TRIM36: variants seen among roughly 807,000 people sequenced by gnomAD.
The protein encoded by TRIM36 is tripartite motif containing 36.
A neutral mutation model predicts 72.4 loss-of-function variants in TRIM36; 42 were observed. The ratio of observed to expected loss-of-function variants is 0.58; its 90% CI spans 0.45 to 0.75. The LOEUF (loss-of-function observed/expected upper bound fraction) is 0.75, where lower values mean the gene tolerates loss of function less well. TRIM36 is among the 30% of genes least tolerant of loss of function. The pLI, the probability that TRIM36 is intolerant of heterozygous loss-of-function variation, is 0.00. For missense variants in TRIM36, 913 were observed against 857.1 expected (o/e 1.07, Z -0.81); for synonymous variants, 315 against 282.8 (o/e 1.11, Z -1.14).
At chr5:115,179,296 C>T (rs553727658) in intron 1 of TRIM36, among the ~76,000 whole-genome samples, 1 of 152,324 alleles carries the variant, frequency 6.6e-6, no homozygotes, top group South Asian at 2.1e-4. Flanking sequence ...GCGGGCGCCA[C>T]CGACGGCGCC....
At chr5:115,157,249 G>A (rs1438342670) in intron 2 of TRIM36, among the ~76,000 whole-genome samples, 1 of 152,062 alleles carries the variant, frequency 6.6e-6, no homozygotes, top group African/African-American at 2.4e-5. Context: ...ACAGAAAAGA[G>A]TGTGGAGATT....
intron 2 of TRIM36, among the ~76,000 whole-genome samples, chr5:115,155,094 C>T (rs889085597): frequency 2.6e-5 from 4 of 152,114 alleles, no homozygotes; most frequent in Non-Finnish European, 4.4e-5. Context: ...GAGGCTGAGG[C>T]AGAAGAATCG....
At chr5:115,147,422 T>C in intron 2 of TRIM36, 28 bp from the exon 3 acceptor site, 2 of 1,589,992 alleles carry the variant, frequency 1.3e-6, no homozygotes, top group Non-Finnish European at 1.7e-6. Context: ...CTTTGTTTAG[T>C]TATAGCAGTA....
intron 7 of TRIM36, 122 bp from the exon 8 acceptor site, chr5:115,134,269 T>C (rs1343364412): frequency 1.4e-6 from 1 of 732,078 alleles, no homozygotes; most frequent in African/African-American, 1.9e-5. Context: ...CTTTTCTAAA[T>C]TTATAATACT....
intron 2 of TRIM36, among the ~76,000 whole-genome samples, chr5:115,158,033 G>A (rs1357176262): frequency 2.0e-5 from 3 of 151,874 alleles, no homozygotes; most frequent in African/African-American, 4.8e-5. Context: ...TCGGGTTATG[G>A]GTGCACCAAA....
intron 4 of TRIM36, among the ~76,000 whole-genome samples, chr5:115,143,057 T>G (rs1328230412): frequency 6.6e-6 from 1 of 151,768 alleles, no homozygotes; most frequent in African/African-American, 2.4e-5. Context: ...GAGAAAGAAC[T>G]CCAGAGACAC....
intron 2 of TRIM36, among the ~76,000 whole-genome samples, chr5:115,155,662 C>T (rs896676051): frequency 6.6e-6 from 1 of 152,074 alleles, no homozygotes; most frequent in Admixed American, 6.5e-5. Context: ...AAGGAACATA[C>T]CTCAATATAA....
In TRIM36 at chr5:115,134,978, A is replaced by G. The variant is rs551792532; in HGVS notation, c.1211-831T>C. Among the ~76,000 whole-genome samples, 66 of 152,328 alleles carry G rather than the reference A, an allele frequency of 4.3e-4. 1 individual carries two copies. The highest frequency in any genetic ancestry group is 1.2e-3 in the Admixed American group (19 of 15,292). On this transcript the variant is annotated intron_variant, in intron 7 of 9. Coordinates refer to ENST00000513154, the MANE Select transcript of TRIM36 (RefSeq NM_001300759.2). ...GAAAAATACACATTAAAAGATTTTA[A>G]CTAACTCAAAGGTAATTACTATAAC... is the stretch of plus-strand genomic sequence containing the variant.
chr5:115,137,594 T>G lies in TRIM36; in HGVS notation c.854A>C (p.Glu285Ala). The change falls in exon 6 of 10, where the codon GAA (glutamate) becomes GCA (alanine). Residue 285 changes from glutamate to alanine, a missense_variant. Glu to Ala is a moderately radical substitution (Grantham distance 107). Coordinates refer to ENST00000513154, the MANE Select transcript of TRIM36 (RefSeq NM_001300759.2). ...CTTTTCAAAATGTGTAATTGCTTCT[T>G]CTTTAGCCCTCTCTCCATTACACTA... is the stretch of plus-strand genomic sequence containing the variant. ...ETECNGERAK[E>A]EAITHFEKLF... is the part of the protein sequence containing the mutation. The G allele has an allele frequency of 6.2e-7, 1 of 1,609,770 alleles. No homozygotes were observed. Among genetic ancestry groups the G allele is most frequent in the Non-Finnish European group, 8.5e-7 (1 of 1,178,412 alleles).
intron 4 of TRIM36, among the ~76,000 whole-genome samples, chr5:115,143,719 G>C (rs1019844606): frequency 2.6e-5 from 4 of 151,994 alleles, no homozygotes; most frequent in African/African-American, 4.8e-5. Context: ...ATGGGTAGTA[G>C]GTACATAGAT....
intron 5 of TRIM36, among the ~76,000 whole-genome samples, chr5:115,139,826 C>G (rs1213910466): frequency 1.3e-5 from 2 of 152,176 alleles, no homozygotes; most frequent in African/African-American, 2.4e-5. Context: ...CCCAAGGAAT[C>G]AGTGTCTACA....
Position 115,126,229 on chromosome 5 carries a change from A to G in TRIM36, c.*274T>C, listed in dbSNP as rs1032031196. 2 of 322,268 alleles carry G rather than the reference A, an allele frequency of 6.2e-6. No homozygotes were observed. The highest frequency in any genetic ancestry group is 4.3e-5 in the African/African-American group (2 of 47,032). 20.0% of individuals were successfully genotyped at this position (322,268 alleles called of 1,614,324 possible). ...ACACCAGCTGACAGAAATAAATTAG[A>G]TATCCTGTACATAAAGTAAAAGACA... On this transcript the variant is annotated 3_prime_UTR_variant, in exon 10 of 10. Coordinates refer to ENST00000513154, the MANE Select transcript of TRIM36 (RefSeq NM_001300759.2).
At chr5:115,149,497 G>A (rs554737633) in intron 2 of TRIM36, 5 of 124,570 alleles carry the variant, frequency 4.0e-5, no homozygotes, top group African/African-American at 1.5e-4. Flanking sequence ...ATAATGAAAA[G>A]TAAATAATGA....
At chr5:115,157,160 A>G (rs1029560479) in intron 2 of TRIM36, among the ~76,000 whole-genome samples, 1 of 151,884 alleles carries the variant, frequency 6.6e-6, no homozygotes, top group African/African-American at 2.4e-5. Flanking sequence ...AAAAAAAAAA[A>G]CAGTAGATGT....
intron 1 of TRIM36, among the ~76,000 whole-genome samples, chr5:115,176,948 G>A (rs1192926834): frequency 6.6e-6 from 1 of 152,214 alleles, no homozygotes; most frequent in African/African-American, 2.4e-5. Context: ...ATTGTTTGAT[G>A]AGCAGAAAGG....
rs763317109 is a variant in TRIM36 at position 115,141,343 on chromosome 5, A to G, written c.767T>C (p.Ile256Thr). 2.5e-6 allele frequency: 4 copies of G among 1,604,028 alleles called. No homozygotes were observed. In the South Asian group the frequency reaches 3.4e-5, roughly 14 times the overall value. ...ACTCTTCACCTGGCTTTCCTTACCA[A>G]TAAGGTAATCAATATCCTTTGAAAG... ...EKLSKDIDYLIGKESQVKSQI... is the reference protein window; with the variant it reads ...EKLSKDIDYLTGKESQVKSQI... Residue 256 changes from isoleucine (I) to threonine (T), a missense_variant, in exon 5 of 10, where the codon ATT becomes ACT. Ile to Thr is a moderately conservative substitution (Grantham distance 89). Transcript: ENST00000513154.
chr5:115,126,556 G>A lies in TRIM36; in HGVS notation c.2098C>T (p.Gln700Ter), dbSNP rs866641653. Reference protein sequence around the residue: ...AFALMGSGGIQLEEPITAKYL... With the variant: ...AFALMGSGGI Reference sequence around the variant, plus strand: ...TTTGCTGTGATGGGTTCTTCAAGCTGAATTCCTCCACTGCCCATTAATGCA... The same window carrying A: ...TTTGCTGTGATGGGTTCTTCAAGCTAAATTCCTCCACTGCCCATTAATGCA... Residue 700 changes from glutamine to a stop codon, truncating the protein, a stop_gained, in exon 10 of 10, where the codon CAG becomes TAG. Transcript: ENST00000513154. LOFTEE classifies it high-confidence loss of function. The A allele has an allele frequency of 1.2e-6, 2 of 1,613,362 alleles. No individual in the cohort carries two copies. Among genetic ancestry groups the A allele is most frequent in the Non-Finnish European group, 1.7e-6 (2 of 1,179,366 alleles).
Position 115,137,211 on chromosome 5 carries a change from C to T in TRIM36, c.1086-87G>A, listed in dbSNP as rs1474868922. On this transcript the variant is annotated intron_variant, in intron 6 of 9. Coordinates refer to ENST00000513154, the MANE Select transcript of TRIM36 (RefSeq NM_001300759.2). ...GCAACATGATTAACAAAATAAAACC[C>T]ACACTTCACTCAAAATTAAAGTTAA... is the stretch of plus-strand genomic sequence containing the variant. The T allele has an allele frequency of 3.4e-6, 5 of 1,478,028 alleles. No individual in the cohort carries two copies. The South Asian group carries it at 5.7e-5, about 17-fold the overall frequency. 91.6% of individuals were successfully genotyped at this position (1,478,028 alleles called of 1,614,324 possible).
At chr5:115,172,898 G>A (rs1008276310), upstream of TRIM36, among the ~76,000 whole-genome samples, 3 of 152,162 alleles carry the variant, frequency 2.0e-5, no homozygotes, top group African/African-American at 7.2e-5. Flanking sequence ...AGGTATACAA[G>A]ATTTAACTCT....
Sources: gnomAD v4.1 joint callset for allele counts (sites outside exome capture counted in the v4.1 genomes callset) on GRCh38, gnomAD v4.1.1 for gene constraint, MANE v1.5 for transcripts, NCBI Gene and HGNC (gene_info 2026-07-23, HGNC 2026-07-21) for gene names.